Variants in NDUFA10 observed in about 807,000 individuals in gnomAD.
NDUFA10 encodes NADH dehydrogenase [ubiquinone] 1 alpha subcomplex subunit 10, mitochondrial.
Under a neutral mutation model 47.8 loss-of-function variants are expected in NDUFA10, and 40 were observed. That is an observed-to-expected ratio of 0.84 (90% CI 0.65 to 1.09). The LOEUF is 1.09. Ranked by LOEUF, NDUFA10 falls within the 50% of genes least tolerant of loss-of-function variation. The pLI is 0.00. For synonymous variants in NDUFA10, 183 were observed against 172.2 expected, an observed-to-expected ratio of 1.06 and a Z score of -0.49; for missense variants, 413 against 451.1, an observed-to-expected ratio of 0.92 and a Z score of 0.76.
chr2:240,017,393 A>G (rs1221289699), intron 4 of NDUFA10, among the ~76,000 whole-genome samples: 1 of 152,096 alleles, frequency 6.6e-6, no homozygotes, highest in South Asian at 2.1e-4. Flanking sequence ...TGCGCTACAG[A>G]TGACAGGCCA....
chr2:239,959,759 G>A lies in NDUFA10; in HGVS notation c.*1359C>T. 7 of 732,114 alleles carry A rather than the reference G, an allele frequency of 9.6e-6. No individual in the cohort carries two copies. Among genetic ancestry groups the A allele is most frequent in the Non-Finnish European group, 6.7e-6 (4 of 599,168 alleles). 45.4% of individuals were successfully genotyped at this position (732,114 alleles called of 1,614,324 possible). A position where few individuals can be genotyped will look rare whatever the true frequency, so the allele number is the denominator to read the frequency against. Reference sequence around the variant, plus strand: ...AGGAAGAGAAGGAGGGAAGGAAAGAGGCAGGGAGGAAGGGAAGGGAGGAAA... The same window carrying A: ...AGGAAGAGAAGGAGGGAAGGAAAGAAGCAGGGAGGAAGGGAAGGGAGGAAA... On this transcript the variant is annotated 3_prime_UTR_variant, in exon 10 of 10. Coordinates refer to ENST00000252711, the MANE Select transcript of NDUFA10 (RefSeq NM_004544.4).
rs185934824 is a variant in NDUFA10, at chr2:239,989,448, C to T, written c.999+626G>A. ...CATAACAAACCACAGCCACCACTGC[C>T]GCGGATATGGATCGTGCTCTTCCCA... On this transcript the variant is annotated intron_variant, in intron 9 of 9. Coordinates refer to ENST00000252711, the MANE Select transcript of NDUFA10 (RefSeq NM_004544.4). Among the ~76,000 whole-genome samples the T allele has an allele frequency of 8.0e-4, 122 of 152,350 alleles. 2 individuals are homozygous for T. The South Asian group carries it at 0.014, about 18-fold the overall frequency.
chr2:239,968,414 A>G (rs142552924), intron 9 of NDUFA10, among the ~76,000 whole-genome samples: 36 of 152,376 alleles, frequency 2.4e-4, no homozygotes, highest in African/African-American at 8.2e-4. Context: ...ACTTCAGTTA[A>G]CGTGAACTAT....
chr2:239,965,534 GC>G (rs948773167), intron 9 of NDUFA10, among the ~76,000 whole-genome samples: 1 of 152,182 alleles, frequency 6.6e-6, no homozygotes, highest in African/African-American at 2.4e-5. Context: ...GCCGCAACGG[GC>G]CTCGTCAGAC....
At chr2:239,975,831 C>T (rs1285473364) in intron 9 of NDUFA10, among the ~76,000 whole-genome samples, 1 of 152,168 alleles carries the variant, frequency 6.6e-6, no homozygotes, top group African/African-American at 2.4e-5. Context: ...CAAGCGTCCA[C>T]ACTTCCTCCC....
chr2:239,977,220 C>A (rs957570800), intron 9 of NDUFA10, among the ~76,000 whole-genome samples: 2 of 152,206 alleles, frequency 1.3e-5, no homozygotes, highest in Admixed American at 1.3e-4. Context: ...CCCCAACTGC[C>A]GTCTTCTCGT....
At chr2:239,905,571 G>A (rs1201174975) in intron 4 of NDUFA10, among the ~76,000 whole-genome samples, 1 of 152,210 alleles carries the variant, frequency 6.6e-6, no homozygotes, top group Non-Finnish European at 1.5e-5. Context: ...TTCACGGGAT[G>A]CTGCCGCGTC....
intron 3 of NDUFA10, among the ~76,000 whole-genome samples, chr2:240,020,608 G>T (rs560227979): frequency 6.6e-6 from 1 of 151,846 alleles, no homozygotes; most frequent in Non-Finnish European, 1.5e-5. Flanking sequence ...CCCTGTTTCC[G>T]TCTCCCAGGC....
intron 8 of NDUFA10, among the ~76,000 whole-genome samples, chr2:239,999,467 C>T (rs1030888268): frequency 1.3e-5 from 2 of 152,184 alleles, no homozygotes; most frequent in African/African-American, 4.8e-5. Flanking sequence ...TGGTTCCCTG[C>T]ATGCGGGTTC....
At chr2:240,014,885 T>C (rs780065865) in intron 4 of NDUFA10, 25 bp from the exon 5 acceptor site, 12 of 1,614,120 alleles carry the variant, frequency 7.4e-6, no homozygotes, top group Non-Finnish European at 9.3e-6. Flanking sequence ...AAAGGGGCGC[T>C]GTCACCTACC....
chr2:240,014,619 T>C, intron 5 of NDUFA10, 120 bp downstream of exon 5: 2 of 1,438,654 alleles, frequency 1.4e-6, no homozygotes, highest in Non-Finnish European at 1.9e-6. Flanking sequence ...GAACAGGGTG[T>C]GTGTCACCCT....
chr2:239,911,670 A>AGTGTGTGTTT lies in NDUFA10; in HGVS notation c.295-16357_295-16356insAAACACACAC, dbSNP rs1553554442. On this transcript the variant is annotated intron_variant, in intron 4 of 5. Coordinates refer to the NDUFA10 transcript ENST00000419408. ...CAGCCCAGACACCAAAACATGAGAG[A>AGTGTGTGTTT]GTGTGTGTGCGTGTGTGTGTGTGTG... Among the ~76,000 whole-genome samples the AGTGTGTGTTT allele has an allele frequency of 3.7e-3, 546 of 146,646 alleles. 5 individuals carry two copies. The highest frequency in any genetic ancestry group is 0.013 in the African/African-American group (522 of 39,320).
At chr2:240,000,270 G>T (rs1387273710) in intron 8 of NDUFA10, among the ~76,000 whole-genome samples, 1 of 151,944 alleles carries the variant, frequency 6.6e-6, no homozygotes, top group Admixed American at 6.5e-5. Context: ...GGAGGTGACA[G>T]CTCCACGCGT....
intron 9 of NDUFA10, among the ~76,000 whole-genome samples, chr2:239,988,875 C>T (rs1022270340): frequency 2.7e-5 from 4 of 150,620 alleles, no homozygotes; most frequent in South Asian, 2.1e-4. Context: ...CACTCACACA[C>T]GTGTACAAGG....
In NDUFA10 at chr2:239,906,496, A is replaced by G. The variant is rs1244642351; in HGVS notation, c.295-11182T>C. Among the ~76,000 whole-genome samples, 1 of 152,168 alleles carries G rather than the reference A, an allele frequency of 6.6e-6. No individual in the cohort carries two copies. Among genetic ancestry groups the G allele is most frequent in the Non-Finnish European group, 1.5e-5 (1 of 68,026 alleles). On this transcript the variant is annotated intron_variant, in intron 4 of 5. Transcript: ENST00000419408. The surrounding 1 kb of genome is among the most constrained non-coding windows in gnomAD (Gnocchi z 4.3). ...CCACGCCAATTCATGGAGTCCCCGC[A>G]CTTATAGTGCCTCCCATTGCTAAGG...
chr2:240,014,954 G>T, intron 4 of NDUFA10, 94 bp from the exon 5 acceptor site: 1 of 1,553,980 alleles, frequency 6.4e-7, no homozygotes, highest in East Asian at 2.3e-5. Context: ...AAACATACAC[G>T]CAATTCTCAA....
At chr2:239,896,426 C>T (rs1452337648) in intron 4 of NDUFA10, among the ~76,000 whole-genome samples, 1 of 152,178 alleles carries the variant, frequency 6.6e-6, no homozygotes, top group Non-Finnish European at 1.5e-5. Context: ...CTGCAATTGA[C>T]AGGAAATTCA....
At chr2:239,949,173 C>T (rs116147583) in intron 4 of NDUFA10, among the ~76,000 whole-genome samples, 2,459 of 152,314 alleles carry the variant, frequency 0.016, 60 homozygotes, top group African/African-American at 0.056. Flanking sequence ...GCTGATTGAG[C>T]GACTTCTTCC....
At chr2:239,908,164 G>C (rs1192432778) in intron 4 of NDUFA10, among the ~76,000 whole-genome samples, 1 of 151,786 alleles carries the variant, frequency 6.6e-6, no homozygotes, top group African/African-American at 2.4e-5. Flanking sequence ...ACCAAACACT[G>C]CATGTTCTCA....
Sources: allele counts gnomAD v4.1 joint callset (sites outside exome capture counted in the v4.1 genomes callset), GRCh38; gene constraint gnomAD v4.1.1; non-coding constraint Gnocchi (gnomAD v3.1); transcripts MANE v1.5; gene names NCBI Gene and HGNC (gene_info 2026-07-23, HGNC 2026-07-21).